The following GALNT18 variants were observed in gnomAD, a reference collection of about 807,000 sequenced individuals.
GALNT18 encodes GalNAc-transferase 18.
Under a neutral mutation model 69.5 loss-of-function variants are expected in GALNT18, and 44 were observed. The observed-to-expected ratio is 0.63, with a 90% confidence interval of 0.50 to 0.81. GALNT18 has a LOEUF of 0.81. Ranked by LOEUF, GALNT18 falls within the 40% of genes least tolerant of loss-of-function variation. GALNT18 has a pLI of 0.00. For missense variants in GALNT18, 715 were observed against 810.0 expected (o/e 0.88, Z 1.42); for synonymous variants, 364 against 318.2 (o/e 1.14, Z -1.53).
At chr11:11,560,859 G>A (rs966074221) in intron 1 of GALNT18, among the ~76,000 whole-genome samples, 3 of 152,164 alleles carry the variant, frequency 2.0e-5, no homozygotes, top group African/African-American at 7.2e-5. Context: ...CCTCTTTCTG[G>A]GAGAAAGGTG....
intron 9 of GALNT18, 146 bp from the exon 10 acceptor site, chr11:11,293,339 ATT>A: frequency 2.0e-6 from 1 of 488,964 alleles, no homozygotes; most frequent in Non-Finnish European, 3.2e-6. Context: ...CCTTCAGATT[ATT>A]TTCTATTGCA....
chr11:11,515,676 C>T (rs1857259196), intron 1 of GALNT18, among the ~76,000 whole-genome samples: 1 of 152,202 alleles, frequency 6.6e-6, no homozygotes. Context: ...TGGCGGTGGC[C>T]AGGGAAGGCC....
intron 10 of GALNT18, among the ~76,000 whole-genome samples, chr11:11,292,552 G>C (rs1799757685): frequency 1.3e-5 from 2 of 152,140 alleles, no homozygotes; most frequent in South Asian, 4.1e-4. Flanking sequence ...AAGGCAGAGG[G>C]GGTTGCAGAT....
chr11:11,446,756 C>T (rs985954045), intron 2 of GALNT18, among the ~76,000 whole-genome samples: 1 of 152,220 alleles, frequency 6.6e-6, no homozygotes, highest in African/African-American at 2.4e-5. Context: ...GCCACAGGCA[C>T]CTTTGCAAGT....
At chr11:11,420,309 G>A (rs1045541997) in intron 3 of GALNT18, among the ~76,000 whole-genome samples, 1 of 151,972 alleles carries the variant, frequency 6.6e-6, no homozygotes, top group Admixed American at 6.6e-5. Flanking sequence ...ACCACCTCCC[G>A]CCCTCACCAT....
chr11:11,301,068 G>A (rs4910305), intron 9 of GALNT18, among the ~76,000 whole-genome samples: 1 of 151,864 alleles, frequency 6.6e-6, no homozygotes, highest in African/African-American at 2.4e-5. Flanking sequence ...AGGCAGGGAC[G>A]AGGGTATCCA....
chr11:11,522,130 C>T (rs1454807080), intron 1 of GALNT18, among the ~76,000 whole-genome samples: 1 of 152,138 alleles, frequency 6.6e-6, no homozygotes, highest in Non-Finnish European at 1.5e-5. Flanking sequence ...CCTAGGAGGC[C>T]CCAGGCCTCT....
At chr11:11,406,734 T>C (rs75822535) in intron 3 of GALNT18, among the ~76,000 whole-genome samples, 3,906 of 152,328 alleles carry the variant, frequency 0.026, 158 homozygotes, top group African/African-American at 0.089. Context: ...ACAAATATGA[T>C]AATCAGAATA....
chr11:11,575,794 C>T (rs1049538518), intron 1 of GALNT18, among the ~76,000 whole-genome samples: 4 of 152,178 alleles, frequency 2.6e-5, no homozygotes, highest in Non-Finnish European at 4.4e-5. Context: ...AGGAGGGGAG[C>T]CACTCAGCTA....
In GALNT18 at chr11:11,497,827, C is replaced by T. The variant is rs759524459; in HGVS notation, c.236-48891G>A. Among the ~76,000 whole-genome samples the T allele has an allele frequency of 6.7e-4, 102 of 151,688 alleles. No individual in the cohort carries two copies. The highest frequency in any genetic ancestry group is 1.2e-3 in the Admixed American group (18 of 15,230). ...CTATTTCAACTTAAAATATTTCATG[C>T]TAATATTTTGGTGTAAGGCCAAGGC... On this transcript the variant is annotated intron_variant, in intron 1 of 10. Coordinates refer to ENST00000227756, the MANE Select transcript of GALNT18 (RefSeq NM_198516.3). This position sits in a 1 kb window ranked among gnomAD's most constrained non-coding sequence, Gnocchi z 4.2.
chr11:11,513,799 A>T (rs566115251), intron 1 of GALNT18, among the ~76,000 whole-genome samples: 136 of 152,102 alleles, frequency 8.9e-4, no homozygotes, highest in African/African-American at 2.7e-3. Flanking sequence ...TTATTTATTT[A>T]TTTTTTTTGT....
chr11:11,300,198 C>T (rs1392067233), intron 9 of GALNT18, among the ~76,000 whole-genome samples: 1 of 152,152 alleles, frequency 6.6e-6, no homozygotes, highest in Non-Finnish European at 1.5e-5. Context: ...ATGAGCCTTC[C>T]TTGACAACTC....
In GALNT18 at chr11:11,419,619, A is replaced by AAAAAAAAAGAAAG. The variant is rs1554932034; in HGVS notation, c.595+13001_595+13002insCTTTCTTTTTTTT. 3.9e-5 allele frequency among the ~76,000 whole-genome samples: 5 copies of AAAAAAAAAGAAAG among 128,356 alleles called. No homozygotes were observed. In the East Asian group the frequency reaches 6.9e-4, roughly 18 times the overall value. 84.2% of individuals were successfully genotyped at this position (128,356 alleles called of 152,430 possible). A position where few individuals can be genotyped will look rare whatever the true frequency, so the allele number is the denominator to read the frequency against. On this transcript the variant is annotated intron_variant, in intron 3 of 10. Coordinates refer to ENST00000227756, the MANE Select transcript of GALNT18 (RefSeq NM_198516.3). ...CTCAAAAAAAAAAAAAAAAAAAAAA[A>AAAAAAAAAGAAAG]AAAGAAAGAAGGAAAAGAAACCATG...
Position 11,348,115 on chromosome 11 carries a change from C to T in GALNT18, c.1093-7111G>A, listed in dbSNP as rs368075816. On this transcript the variant is annotated intron_variant, in intron 6 of 10. Transcript: ENST00000227756. ...AGAGAGGGCCGGGCATGGTGGCTAA[C>T]GCCTGTAATCCCAGCACTTTGGGAG... Among the ~76,000 whole-genome samples the T allele has an allele frequency of 3.7e-4, 57 of 152,210 alleles. 1 individual carries two copies. In the South Asian group the frequency reaches 3.9e-3, roughly 11 times the overall value.
intron 1 of GALNT18, among the ~76,000 whole-genome samples, chr11:11,575,598 G>C (rs1310104058): frequency 1.3e-5 from 2 of 152,214 alleles, no homozygotes; most frequent in African/African-American, 2.4e-5. Flanking sequence ...GTTGAATTGA[G>C]TTCTCATGCC....
At chr11:11,288,421 A>G (rs914482075) in intron 10 of GALNT18, among the ~76,000 whole-genome samples, 2 of 152,214 alleles carry the variant, frequency 1.3e-5, no homozygotes, top group African/African-American at 2.4e-5. Context: ...ATGTGAAGCC[A>G]TCTCTGAGTT....
chr11:11,367,996 A>G (rs1850809491), intron 6 of GALNT18, among the ~76,000 whole-genome samples: 1 of 152,236 alleles, frequency 6.6e-6, no homozygotes, highest in African/African-American at 2.4e-5. Context: ...GAAGAAAGAG[A>G]TACAAGCTGC....
chr11:11,333,393 C>T (rs1850052933), intron 7 of GALNT18, among the ~76,000 whole-genome samples: 1 of 152,170 alleles, frequency 6.6e-6, no homozygotes, highest in African/African-American at 2.4e-5. Context: ...TTGTCCCACT[C>T]ATACTTATAA....
At position 11,349,947 on chromosome 11, in the gene GALNT18, ATGC is replaced by A. The variant is rs1411038976; in HGVS notation, c.1093-8946_1093-8944del. On this transcript the variant is annotated intron_variant, in intron 6 of 10. Coordinates refer to ENST00000227756, the MANE Select transcript of GALNT18 (RefSeq NM_198516.3). ...GAATTGCTGCTTGGAAAAAAAAATGATGCTTTTTCTTGGAAGGTGTCCCTGAAG... is the reference window on the plus strand; with the variant it reads ...GAATTGCTGCTTGGAAAAAAAAATGATTTTTCTTGGAAGGTGTCCCTGAAG... Among the ~76,000 whole-genome samples, 11 of 95,178 alleles carry A rather than the reference ATGC, an allele frequency of 1.2e-4. No homozygotes were observed. The East Asian group carries it at 3.3e-3, about 29-fold the overall frequency. The allele number at this position is 95,178 out of a possible 152,430, so 62.4% of individuals were successfully genotyped here.
Sources: allele counts gnomAD v4.1 joint callset (sites outside exome capture counted in the v4.1 genomes callset), GRCh38; gene constraint gnomAD v4.1.1; non-coding constraint Gnocchi (gnomAD v3.1); transcripts MANE v1.5; gene names NCBI Gene and HGNC (gene_info 2026-07-23, HGNC 2026-07-21).